The following LEPROTL1 variants were observed in gnomAD, a reference collection of about 807,000 sequenced individuals.
LEPROTL1 encodes the protein leptin receptor overlapping transcript-like 1.
LEPROTL1 carries 6 observed loss-of-function variants against 15.4 expected under a neutral mutation model. The ratio of observed to expected loss-of-function variants is 0.39; its 90% confidence interval spans 0.21 to 0.77. The LOEUF (loss-of-function observed/expected upper bound fraction) is 0.77, where lower values mean the gene tolerates loss of function less well. Ranked by LOEUF, LEPROTL1 falls within the 30% of genes least tolerant of loss-of-function variation. The pLI is 0.41. For synonymous variants in LEPROTL1, 56 were observed against 52.6 expected, an observed-to-expected ratio of 1.06 and a Z score of -0.28; for missense variants, 128 against 158.1, an observed-to-expected ratio of 0.81 and a Z score of 1.02.
At chr8:30,121,387 G>A (rs1802828121) in intron 3 of LEPROTL1, among the ~76,000 whole-genome samples, 2 of 151,970 alleles carry the variant, frequency 1.3e-5, no homozygotes, top group African/African-American at 4.8e-5. Context: ...CAAGTAGCTG[G>A]GATTACAGGC....
At chr8:30,103,120 T>C (rs73567776) in intron 2 of LEPROTL1, among the ~76,000 whole-genome samples, 3,560 of 152,240 alleles carry the variant, frequency 0.023, 144 homozygotes, top group African/African-American at 0.081. Flanking sequence ...CCAAAAAAAA[T>C]TCTGAAAACA....
At chr8:30,128,688 G>T (rs1408560323) in intron 3 of LEPROTL1, among the ~76,000 whole-genome samples, 1 of 151,544 alleles carries the variant, frequency 6.6e-6, no homozygotes, top group Non-Finnish European at 1.5e-5. Context: ...GGAGGCAGAG[G>T]TTGCAGTGAG....
chr8:30,116,359 A>G (rs1802740433), intron 3 of LEPROTL1, among the ~76,000 whole-genome samples: 1 of 152,144 alleles, frequency 6.6e-6, no homozygotes. Context: ...TGTGGAAGAC[A>G]GTTTTTCCAT....
chr8:30,103,860 CT>C (rs949627520), intron 2 of LEPROTL1, among the ~76,000 whole-genome samples: 10 of 151,800 alleles, frequency 6.6e-5, no homozygotes, highest in Non-Finnish European at 1.2e-4. Context: ...GCATCTATTT[CT>C]TTTTAACTTT....
Position 30,115,835 on chromosome 8 carries a change from A to G in LEPROTL1, c.279+11349A>G, listed in dbSNP as rs145080860. ...AAGATCTATAAAAATTTTAATACCC[A>G]GTGTTCCTAAGAAATTATAATACCC... On this transcript the variant is annotated intron_variant, in intron 3 of 4. Transcript: ENST00000442880. Among the ~76,000 whole-genome samples the G allele has an allele frequency of 8.2e-3, 1,244 of 152,174 alleles. 17 individuals carry two copies. Among genetic ancestry groups the G allele is most frequent in the African/African-American group, 0.029 (1,186 of 41,490 alleles).
At chr8:30,124,218 C>T (rs1429246928) in intron 3 of LEPROTL1, among the ~76,000 whole-genome samples, 1 of 152,096 alleles carries the variant, frequency 6.6e-6, no homozygotes, top group Admixed American at 6.6e-5. Flanking sequence ...ACTGGGGCCA[C>T]AATGATTTTT....
downstream of LEPROTL1, among the ~76,000 whole-genome samples, chr8:30,111,141 G>A (rs1802648362): frequency 6.6e-6 from 1 of 152,138 alleles, no homozygotes; most frequent in Non-Finnish European, 1.5e-5. Context: ...AAGTGTAGGT[G>A]GATTTATTTT....
At chr8:30,138,047 G>A (rs544670079), downstream of LEPROTL1, 1 of 172,698 alleles carries the variant, frequency 5.8e-6, no homozygotes, top group East Asian at 1.5e-4. Flanking sequence ...AATGCAAGAA[G>A]ACTGTTCTGA....
At chr8:30,131,150 G>A (rs915338017) in intron 3 of LEPROTL1, among the ~76,000 whole-genome samples, 1 of 151,572 alleles carries the variant, frequency 6.6e-6, no homozygotes, top group Non-Finnish European at 1.5e-5. Flanking sequence ...GGGGTGCAGT[G>A]GCACAATCAC....
chr8:30,105,681 GA>G (rs1338773818), intron 3 of LEPROTL1, 64 bp from the exon 4 acceptor site: 2 of 1,356,130 alleles, frequency 1.5e-6, no homozygotes, highest in Non-Finnish European at 2.1e-6. Context: ...CTAGAGCCTT[GA>G]TTTTTTTTTT....
downstream of LEPROTL1, among the ~76,000 whole-genome samples, chr8:30,112,384 G>A (rs886172546): frequency 8.0e-5 from 10 of 125,508 alleles, no homozygotes; most frequent in African/African-American, 2.3e-4. Flanking sequence ...ACAGGTGTGC[G>A]CCACCATGCC....
At chr8:30,097,629 G>GCA (rs1802388657) in intron 1 of LEPROTL1, among the ~76,000 whole-genome samples, 1 of 144,156 alleles carries the variant, frequency 6.9e-6, no homozygotes, top group African/African-American at 2.6e-5. Flanking sequence ...CCAAGATTAC[G>GCA]CCACTGCACT....
intron 3 of LEPROTL1, among the ~76,000 whole-genome samples, chr8:30,126,549 T>C (rs1265478732): frequency 6.6e-6 from 1 of 152,234 alleles, no homozygotes; most frequent in Non-Finnish European, 1.5e-5. Flanking sequence ...GTTTGCTTTA[T>C]GAAACTACAT....
intron 3 of LEPROTL1, among the ~76,000 whole-genome samples, chr8:30,126,846 TG>T (rs1802912898): frequency 6.6e-6 from 1 of 152,186 alleles, no homozygotes; most frequent in Admixed American, 6.5e-5. Flanking sequence ...AAGACCATCC[TG>T]GCCATCATGG....
At chr8:30,122,181 A>T (rs28444253) in intron 3 of LEPROTL1, among the ~76,000 whole-genome samples, 17,773 of 151,774 alleles carry the variant, frequency 0.12, 1,255 homozygotes, top group East Asian at 0.23. Context: ...AAAAAAAAAA[A>T]TTAACTTTAG....
intron 4 of LEPROTL1, among the ~76,000 whole-genome samples, chr8:30,133,788 CAAA>C (rs11430475): frequency 2.4e-5 from 3 of 123,054 alleles, no homozygotes; most frequent in African/African-American, 9.4e-5. Flanking sequence ...GACCCTGTCT[CAAA>C]AAAAAAAAAA....
chr8:30,137,540 C>A, exon 5 of LEPROTL1: 1 of 1,386,618 alleles, frequency 7.2e-7, no homozygotes, highest in South Asian at 1.3e-5. Context: ...ACCATGTAGG[C>A]AACACGTGGC....
Position 30,104,444 on chromosome 8 carries a change from G to A in LEPROTL1, c.237G>A (p.Val79=). Reference sequence around the variant, plus strand: ...TCTTTCTTACAACGGGCATTGTCGTGTCAGCTTTTGGACTCCCTATTGTAT... The same window carrying A: ...TCTTTCTTACAACGGGCATTGTCGTATCAGCTTTTGGACTCCCTATTGTAT... The part of the protein sequence containing the change: ...LAIFLTTGIV[V]SAFGLPIVFA... The change falls in exon 3 of 4, where the codon GTG becomes GTA. Residue 79 remains valine, a synonymous_variant. Coordinates refer to ENST00000321250, the MANE Select transcript of LEPROTL1 (RefSeq NM_015344.3). The A allele has an allele frequency of 6.2e-7, 1 of 1,612,080 alleles. No homozygotes were observed. Among genetic ancestry groups the A allele is most frequent in the Admixed American group, 1.7e-5 (1 of 59,730 alleles).
At chr8:30,108,922 G>A (rs1411795185), downstream of LEPROTL1, among the ~76,000 whole-genome samples, 2 of 151,786 alleles carry the variant, frequency 1.3e-5, no homozygotes, top group Non-Finnish European at 1.5e-5. Context: ...GCACCACCAC[G>A]CCTGGCTAAT....
Sources: gnomAD v4.1 joint callset for allele counts (sites outside exome capture counted in the v4.1 genomes callset) on GRCh38, gnomAD v4.1.1 for gene constraint, MANE v1.5 for transcripts, NCBI Gene and HGNC (gene_info 2026-07-23, HGNC 2026-07-21) for gene names.